TMEM63C: variants seen among roughly 807,000 people sequenced by gnomAD.
The protein encoded by TMEM63C is osmosensitive cation channel TMEM63C.
Under a neutral mutation model 99.2 loss-of-function variants are expected in TMEM63C, and 32 were observed. That is an observed-to-expected ratio of 0.32 (90% CI 0.24 to 0.43). The LOEUF (loss-of-function observed/expected upper bound fraction) is 0.43, where lower values mean the gene tolerates loss of function less well. Ranked by LOEUF, TMEM63C falls within the 20% of genes least tolerant of loss-of-function variation. The pLI, the probability that TMEM63C is intolerant of heterozygous loss-of-function variation, is 1.00. For synonymous variants in TMEM63C, 376 were observed against 397.9 expected (o/e 0.94, Z 0.66); for missense variants, 826 against 1,053.0 (o/e 0.78, Z 2.98).
rs575918576 is a variant in TMEM63C at position 77,205,711 on chromosome 14, G to T, written c.-76-7735G>T. Reference sequence around the variant, plus strand: ...ATCGGCTGGAGCTGAGATTCCTCGTGGGGAGCTGGGGGAGGTGAGACTGGA... The same window carrying T: ...ATCGGCTGGAGCTGAGATTCCTCGTTGGGAGCTGGGGGAGGTGAGACTGGA... On this transcript the variant is annotated intron_variant, in intron 1 of 23. Transcript: ENST00000298351. Among the ~76,000 whole-genome samples, 260 of 152,298 alleles carry T rather than the reference G, an allele frequency of 1.7e-3. 1 individual carries two copies. The highest frequency in any genetic ancestry group is 6.0e-3 in the African/African-American group (250 of 41,544).
intron 12 of TMEM63C, among the ~76,000 whole-genome samples, chr14:77,240,239 C>T (rs949821318): frequency 1.9e-4 from 29 of 152,226 alleles, no homozygotes; most frequent in African/African-American, 6.8e-4. Flanking sequence ...CCTGAAAGCC[C>T]CCGGGTACCC....
At chr14:77,229,847 T>C (rs1888903665) in intron 6 of TMEM63C, among the ~76,000 whole-genome samples, 1 of 152,060 alleles carries the variant, frequency 6.6e-6, no homozygotes. Context: ...TGAGCACTTG[T>C]TGCTTTTAAA....
At chr14:77,231,516 C>T (rs1410358159) in intron 6 of TMEM63C, 72 bp from the exon 7 acceptor site, 3 of 1,527,034 alleles carry the variant, frequency 2.0e-6, no homozygotes, top group Non-Finnish European at 2.7e-6. Context: ...CTGCCCTTCC[C>T]TCTACCTCCC....
intron 2 of TMEM63C, among the ~76,000 whole-genome samples, chr14:77,215,896 T>C (rs1888575672): frequency 6.6e-6 from 1 of 152,222 alleles, no homozygotes; most frequent in African/African-American, 2.4e-5. Flanking sequence ...TTAACCACTT[T>C]CACCTCCAAT....
intron 1 of TMEM63C, among the ~76,000 whole-genome samples, chr14:77,197,183 A>G (rs1035937960): frequency 5.9e-5 from 9 of 152,246 alleles, no homozygotes; most frequent in Admixed American, 6.5e-5. Context: ...TCTCTCTTAC[A>G]TGAAAGAAGA....
At chr14:77,218,749 G>A in intron 2 of TMEM63C, 52 bp from the exon 3 acceptor site, 1 of 1,588,600 alleles carries the variant, frequency 6.3e-7, no homozygotes, top group African/African-American at 1.3e-5. Context: ...TCTGTGTTTT[G>A]CAAAATGCAA....
intron 18 of TMEM63C, 102 bp from the exon 19 acceptor site, chr14:77,248,245 G>T (rs751024051): frequency 2.9e-6 from 3 of 1,030,016 alleles, no homozygotes; most frequent in Non-Finnish European, 4.3e-6. Flanking sequence ...TCTCCACTCC[G>T]ATTCCCATTC....
intron 1 of TMEM63C, among the ~76,000 whole-genome samples, chr14:77,196,706 G>T (rs1888220262): frequency 6.6e-6 from 1 of 152,222 alleles, no homozygotes; most frequent in Non-Finnish European, 1.5e-5. Context: ...TAGAGCTAGG[G>T]ATCTTAGAGG....
At position 77,236,662 on chromosome 14, in the gene TMEM63C, T is replaced by C; in HGVS notation, c.581T>C (p.Phe194Ser). ...LLWLHSLLSF[F>S]YFITNFMFMA... Reference sequence around the variant, plus strand: ...TGGCTGCATAGCCTGCTGTCCTTCTTCTACTTCATCACCAACTTCATGTTC... The same window carrying C: ...TGGCTGCATAGCCTGCTGTCCTTCTCCTACTTCATCACCAACTTCATGTTC... Residue 194 changes from phenylalanine to serine, a missense_variant, in exon 9 of 24, where the codon TTC (phenylalanine) becomes TCC (serine). Phe to Ser is a radical substitution (Grantham distance 155). Coordinates refer to ENST00000298351, the MANE Select transcript of TMEM63C (RefSeq NM_020431.4). The C allele has an allele frequency of 6.2e-7, 1 of 1,612,810 alleles. No individual in the cohort carries two copies. The highest frequency in any genetic ancestry group is 8.5e-7 in the Non-Finnish European group (1 of 1,179,360).
rs763366943 is a variant in TMEM63C, at chr14:77,242,894, C to T, written c.1188-9C>T. 5.6e-6 allele frequency: 9 copies of T among 1,614,038 alleles called. No individual in the cohort carries two copies. Among genetic ancestry groups the T allele is most frequent in the Non-Finnish European group, 7.6e-6 (9 of 1,179,890 alleles). ...TCTAAATGTGCCTCCTTCTTCCATCCTTCCCCAGGAAACACCTGTCTGTCC... is the reference window on the plus strand; with the variant it reads ...TCTAAATGTGCCTCCTTCTTCCATCTTTCCCCAGGAAACACCTGTCTGTCC... On this transcript the variant is annotated splice_polypyrimidine_tract_variant and intron_variant, in intron 14 of 23. Transcript: ENST00000298351.
chr14:77,187,422 AG>A (rs1888021368), intron 1 of TMEM63C, among the ~76,000 whole-genome samples: 1 of 152,230 alleles, frequency 6.6e-6, no homozygotes. Flanking sequence ...GTAGAAGGCT[AG>A]GATTCCCACC....
At chr14:77,251,025 T>C (rs1278153733) in intron 21 of TMEM63C, among the ~76,000 whole-genome samples, 2 of 152,218 alleles carry the variant, frequency 1.3e-5, no homozygotes, top group Non-Finnish European at 2.9e-5. Flanking sequence ...ATTGTTACTT[T>C]GCAAAACTGC....
chr14:77,228,440 C>T (rs1157988582), intron 6 of TMEM63C, among the ~76,000 whole-genome samples: 4 of 152,108 alleles, frequency 2.6e-5, no homozygotes, highest in Non-Finnish European at 5.9e-5. Context: ...AAACGTTTAG[C>T]CGCTCAAAGT....
At position 77,219,387 on chromosome 14, in the gene TMEM63C, G is replaced by A. The variant is rs979768406; in HGVS notation, c.151-111G>A. 8 of 1,060,512 alleles carry A rather than the reference G, an allele frequency of 7.5e-6. No individual in the cohort carries two copies. In the African/African-American group the frequency reaches 1.2e-4, roughly 17 times the overall value. The allele number at this position is 1,060,512 out of a possible 1,614,324, so 65.7% of individuals were successfully genotyped here. A position where few individuals can be genotyped will look rare whatever the true frequency, so the allele number is the denominator to read the frequency against. The stretch of plus-strand genomic sequence containing the variant: ...ACAGAGCTCACCTTCTAGTGGAGGA[G>A]CTCCCTGGGGACCTCAGGGACAGGG... On this transcript the variant is annotated intron_variant, in intron 3 of 23. Transcript: ENST00000298351.
At chr14:77,242,877 T>C in intron 14 of TMEM63C, 26 bp from the exon 15 acceptor site, 1 of 1,613,892 alleles carries the variant, frequency 6.2e-7, no homozygotes, top group Non-Finnish European at 8.5e-7. Flanking sequence ...TCTCTAAATG[T>C]GCCTCCTTCT....
At position 77,184,271 on chromosome 14, in the gene TMEM63C, G is replaced by T. The variant is rs529366972; in HGVS notation, c.-77+2377G>T. 2.7e-4 allele frequency among the ~76,000 whole-genome samples: 41 copies of T among 152,114 alleles called. 1 individual carries two copies. The South Asian group carries it at 8.3e-3, about 31-fold the overall frequency. ...AAGGCAGGTCAGCCCTCCCCAGCCC[G>T]CTTCAAGTTGTGCTTGGGCCCTTGA... On this transcript the variant is annotated intron_variant, in intron 1 of 23. Coordinates refer to ENST00000298351, the MANE Select transcript of TMEM63C (RefSeq NM_020431.4).
rs889100659 is a variant in TMEM63C, at chr14:77,189,018, C to T, written c.-77+7124C>T. Among the ~76,000 whole-genome samples, 6 of 151,990 alleles carry T rather than the reference C, an allele frequency of 3.9e-5. No individual in the cohort carries two copies. The East Asian group carries it at 5.8e-4, about 15-fold the overall frequency. On this transcript the variant is annotated intron_variant, in intron 1 of 23. Transcript: ENST00000298351. Reference sequence around the variant, plus strand: ...TGTGTACATACACATATGGATACATCCTGTATTAACATGAATAAATTTCAA... The same window carrying T: ...TGTGTACATACACATATGGATACATTCTGTATTAACATGAATAAATTTCAA...
Position 77,256,775 on chromosome 14 carries a change from G to A in TMEM63C, c.*49G>A. On this transcript the variant is annotated 3_prime_UTR_variant, in exon 24 of 24. Coordinates refer to ENST00000298351, the MANE Select transcript of TMEM63C (RefSeq NM_020431.4). ...CGACTTGTTGAGGGGTCAGGGGAGG[G>A]CCTGGCAAGGGGAGGCAGGAGGGTG... The A allele has an allele frequency of 6.3e-7, 1 of 1,579,508 alleles. No individual in the cohort carries two copies. The highest frequency in any genetic ancestry group is 8.7e-7 in the Non-Finnish European group (1 of 1,155,132).
In TMEM63C at chr14:77,234,840, C is replaced by T. The variant is rs568642484; in HGVS notation, c.542+1340C>T. ...TGCAAACCGTCTGGTCCTCCTCCCC[C>T]GAGGCCTGCAGGTAACACAGGTTCT... On this transcript the variant is annotated intron_variant, in intron 8 of 23. Transcript: ENST00000298351. Among the ~76,000 whole-genome samples, 282 of 152,298 alleles carry T rather than the reference C, an allele frequency of 1.9e-3. 1 individual carries two copies. Among genetic ancestry groups the T allele is most frequent in the African/African-American group, 6.4e-3 (265 of 41,554 alleles).
Sources: gnomAD v4.1 joint callset for allele counts (sites outside exome capture counted in the v4.1 genomes callset) on GRCh38, gnomAD v4.1.1 for gene constraint, MANE v1.5 for transcripts, NCBI Gene and HGNC (gene_info 2026-07-23, HGNC 2026-07-21) for gene names.